Variants in SLC35F4 observed in about 807,000 individuals in gnomAD.
The protein encoded by SLC35F4 is solute carrier family 35 member F4.
Under a neutral mutation model 44.2 loss-of-function variants are expected in SLC35F4, and 24 were observed. That is an observed-to-expected ratio of 0.54 (90% CI 0.39 to 0.76). The LOEUF (loss-of-function observed/expected upper bound fraction) is 0.76, where lower values mean the gene tolerates loss of function less well. SLC35F4 is among the 30% of genes least tolerant of loss of function. The probability of loss-of-function intolerance (pLI) is 0.00; values close to 1 mark genes in which losing one functional copy is unlikely to be tolerated. For missense variants in SLC35F4, 562 were observed against 586.1 expected, an observed-to-expected ratio of 0.96 and a Z score of 0.42; for synonymous variants, 238 against 223.6, an observed-to-expected ratio of 1.06 and a Z score of -0.57.
chr14:57,701,618 G>T (rs1164634965), intron 1 of SLC35F4, among the ~76,000 whole-genome samples: 1 of 152,102 alleles, frequency 6.6e-6, no homozygotes, highest in East Asian at 1.9e-4. Context: ...GAATTTTTCA[G>T]CTCCACTATA....
At chr14:57,674,023 TTAAG>T (rs2074606212) in intron 1 of SLC35F4, among the ~76,000 whole-genome samples, 1 of 152,072 alleles carries the variant, frequency 6.6e-6, no homozygotes, top group African/African-American at 2.4e-5. Flanking sequence ...TTCAGTGTCA[TTAAG>T]TAATTAGAGA....
At chr14:57,719,062 T>C (rs1342505290) in intron 1 of SLC35F4, among the ~76,000 whole-genome samples, 1 of 152,168 alleles carries the variant, frequency 6.6e-6, no homozygotes, top group African/African-American at 2.4e-5. Context: ...TGTGGATATC[T>C]AGTTTTCTCA....
intron 1 of SLC35F4, among the ~76,000 whole-genome samples, chr14:57,810,960 G>T (rs1881897996): frequency 6.6e-6 from 1 of 152,172 alleles, no homozygotes; most frequent in South Asian, 2.1e-4. Flanking sequence ...CTTATTAAGG[G>T]AAGCTCTGTC....
At chr14:57,756,648 A>T (rs189524566) in intron 1 of SLC35F4, among the ~76,000 whole-genome samples, 1 of 151,796 alleles carries the variant, frequency 6.6e-6, no homozygotes, top group Non-Finnish European at 1.5e-5. Flanking sequence ...CTTTTTATCT[A>T]CTTGTTCTGT....
At chr14:57,879,190 C>A (rs1391087052) in intron 1 of SLC35F4, among the ~76,000 whole-genome samples, 2 of 152,134 alleles carry the variant, frequency 1.3e-5, no homozygotes, top group Admixed American at 1.3e-4. Flanking sequence ...AGGAGTTTTG[C>A]AAGGTACTTG....
intron 1 of SLC35F4, among the ~76,000 whole-genome samples, chr14:57,659,574 T>C (rs1478975705): frequency 1.3e-5 from 2 of 152,116 alleles, no homozygotes; most frequent in East Asian, 3.9e-4. Flanking sequence ...AACCAAGGCA[T>C]AGAGGGTAAA....
At chr14:57,944,757 AG>A (rs1889990486) in intron 1 of SLC35F4, among the ~76,000 whole-genome samples, 2 of 151,102 alleles carry the variant, frequency 1.3e-5, no homozygotes, top group African/African-American at 4.8e-5. Flanking sequence ...GAAAGAAGAA[AG>A]GAAGAAAGAA....
At chr14:57,743,060 C>T (rs1244397424) in intron 1 of SLC35F4, among the ~76,000 whole-genome samples, 2 of 152,126 alleles carry the variant, frequency 1.3e-5, no homozygotes, top group Non-Finnish European at 2.9e-5. Flanking sequence ...ATCTCTGGGA[C>T]ACATTTAAAG....
At chr14:57,659,152 C>G (rs955095430) in intron 1 of SLC35F4, among the ~76,000 whole-genome samples, 1 of 152,036 alleles carries the variant, frequency 6.6e-6, no homozygotes, top group African/African-American at 2.4e-5. Context: ...GTTTAATTAC[C>G]AAGGAAACTC....
chr14:57,709,050 C>T lies in SLC35F4; in HGVS notation c.104-114926G>A, dbSNP rs916423341. On this transcript the variant is annotated intron_variant, in intron 1 of 7. Coordinates refer to ENST00000556826, the MANE Select transcript of SLC35F4 (RefSeq NM_001306087.2). ...ACATGAAAGCGGACTAGGAGCGTGACCACTGAAGCACAGCATCACAGGGAG... is the reference window on the plus strand; with the variant it reads ...ACATGAAAGCGGACTAGGAGCGTGATCACTGAAGCACAGCATCACAGGGAG... 6.6e-5 allele frequency among the ~76,000 whole-genome samples: 10 copies of T among 152,290 alleles called. No individual in the cohort carries two copies. In the East Asian group the frequency reaches 7.7e-4, roughly 12 times the overall value.
rs148771113 is a variant in SLC35F4, at chr14:57,921,361, C to A, written n.282+60552G>T. 1.2e-3 allele frequency among the ~76,000 whole-genome samples: 188 copies of A among 152,342 alleles called. 2 individuals carry two copies. The Middle Eastern group carries it at 0.031, about 25-fold the overall frequency. ...ACAGGCAACCAGGATCAGAAAAGGGCTAAACCTGGGCTTCATCCTCCTTCC... is the reference window on the plus strand; with the variant it reads ...ACAGGCAACCAGGATCAGAAAAGGGATAAACCTGGGCTTCATCCTCCTTCC... On this transcript the variant is annotated intron_variant and non_coding_transcript_variant, in intron 1 of 1. Coordinates refer to the SLC35F4 transcript ENST00000556568.
At chr14:57,896,155 G>A (rs1435947763) in intron 1 of SLC35F4, among the ~76,000 whole-genome samples, 1 of 152,114 alleles carries the variant, frequency 6.6e-6, no homozygotes, top group African/African-American at 2.4e-5. Context: ...AGAAAAAATT[G>A]GAAGATAAGT....
At position 57,563,962 on chromosome 14, in the gene SLC35F4, T is replaced by C; in HGVS notation, c.*173A>G. 1.5e-6 allele frequency: 1 copy of C among 685,506 alleles called. No individual in the cohort carries two copies. The highest frequency in any genetic ancestry group is 2.3e-6 in the Non-Finnish European group (1 of 435,648). The allele number at this position is 685,506 out of a possible 1,614,324, so 42.5% of individuals were successfully genotyped here. ...TTAATAAAAAAATCCATTATGATTATTTACACCAATTCCTTGATAAGCATA... is the reference window on the plus strand; with the variant it reads ...TTAATAAAAAAATCCATTATGATTACTTACACCAATTCCTTGATAAGCATA... On this transcript the variant is annotated 3_prime_UTR_variant, in exon 8 of 8. Coordinates refer to ENST00000556826, the MANE Select transcript of SLC35F4 (RefSeq NM_001306087.2).
rs138852214 is a variant in SLC35F4, at chr14:57,855,981, T to C, written c.103+9742A>G. On this transcript the variant is annotated intron_variant, in intron 1 of 7. Transcript: ENST00000556826. ...ACATGTTCTCACTCATAAGTGAGAG[T>C]TGAACAATGAGAACACATGGACACA... is the stretch of plus-strand genomic sequence containing the variant. Among the ~76,000 whole-genome samples the C allele has an allele frequency of 1.7e-3, 251 of 151,514 alleles. 3 individuals are homozygous for C. The highest frequency in any genetic ancestry group is 5.8e-3 in the African/African-American group (239 of 40,980).
intron 4 of SLC35F4, chr14:57,578,570 T>C (rs2068991445): frequency 6.6e-6 from 1 of 152,086 alleles, no homozygotes; most frequent in South Asian, 2.1e-4. Flanking sequence ...TTTCAGTGCT[T>C]CTCACATTCC....
At chr14:57,618,008 TG>T in intron 1 of SLC35F4, among the ~76,000 whole-genome samples, 1 of 152,304 alleles carries the variant, frequency 6.6e-6, no homozygotes, top group East Asian at 1.9e-4. Context: ...TAAGTAATGA[TG>T]GTGTCTTATG....
intron 1 of SLC35F4, among the ~76,000 whole-genome samples, chr14:57,955,959 C>A (rs1890229752): frequency 6.6e-6 from 1 of 151,960 alleles, no homozygotes; most frequent in South Asian, 2.1e-4. Flanking sequence ...TTCTATGGAA[C>A]CAAAAAAGAG....
At chr14:57,573,623 A>T (rs1023386045) in intron 4 of SLC35F4, among the ~76,000 whole-genome samples, 6 of 152,166 alleles carry the variant, frequency 3.9e-5, no homozygotes, top group Non-Finnish European at 8.8e-5. Context: ...TGAGGGGGTT[A>T]TCTAGACCTG....
In SLC35F4 at chr14:57,883,347, G is replaced by A. The variant is rs1335518; in HGVS notation, n.282+98566C>T. Among the ~76,000 whole-genome samples, 3,472 of 152,260 alleles carry A rather than the reference G, an allele frequency of 0.023. 429 individuals carry two copies. The East Asian group carries it at 0.39, about 17-fold the overall frequency. ...ACATTACTGTCACATGACTGCAGTC[G>A]TCAGGCGATGAAGAATCCCTGTGGT... On this transcript the variant is annotated intron_variant and non_coding_transcript_variant, in intron 1 of 1. Coordinates refer to the SLC35F4 transcript ENST00000556568.
Sources: allele counts gnomAD v4.1 joint callset (sites outside exome capture counted in the v4.1 genomes callset), GRCh38; gene constraint gnomAD v4.1.1; transcripts MANE v1.5; gene names NCBI Gene and HGNC (gene_info 2026-07-23, HGNC 2026-07-21).